Variants in CFI observed in about 807,000 individuals in gnomAD.
CFI encodes complement factor I, also known as C3B/C4B inactivator.
CFI carries 66 observed loss-of-function variants against 78.8 expected under a neutral mutation model. That is an observed-to-expected ratio of 0.84 (90% CI 0.69 to 1.03). The LOEUF (loss-of-function observed/expected upper bound fraction) is 1.03. CFI is among the 50% of genes least tolerant of loss of function. The pLI, the probability that CFI is intolerant of heterozygous loss-of-function variation, is 0.00. For missense variants in CFI, 706 were observed against 704.5 expected (o/e 1.00, Z -0.02); for synonymous variants, 250 against 232.6 (o/e 1.07, Z -0.68).
In CFI at chr4:109,778,675, CA is replaced by C. The variant is rs1002787001; in HGVS notation, c.58-11852del. On this transcript the variant is annotated intron_variant, in intron 1 of 12. Transcript: ENST00000394634. ...ATACCAAAGCCTGGCAGAGACACAA[CA>C]AAAAAAAAGAATCTTAGACCAATAT... Among the ~76,000 whole-genome samples the C allele has an allele frequency of 5.3e-5, 8 of 151,234 alleles. No individual in the cohort carries two copies. The South Asian group carries it at 1.3e-3, about 24-fold the overall frequency.
intron 1 of CFI, among the ~76,000 whole-genome samples, chr4:109,798,730 C>T (rs143462627): frequency 7.3e-5 from 11 of 151,630 alleles, no homozygotes; most frequent in African/African-American, 2.7e-4. Flanking sequence ...GTTTTGGTTG[C>T]TTGGGGTTTG....
At chr4:109,765,843 G>A (rs1183251707) in intron 2 of CFI, among the ~76,000 whole-genome samples, 1 of 152,176 alleles carries the variant, frequency 6.6e-6, no homozygotes, top group Non-Finnish European at 1.5e-5. Flanking sequence ...GGTAGGCCAC[G>A]CATGGTGGCT....
downstream of CFI, among the ~76,000 whole-genome samples, chr4:109,737,323 C>G (rs1723426999): frequency 6.6e-6 from 1 of 152,130 alleles, no homozygotes; most frequent in Non-Finnish European, 1.5e-5. Context: ...GTGGTTAGCT[C>G]CTCACACTGC....
At chr4:109,769,331 T>C (rs1042165507) in intron 1 of CFI, among the ~76,000 whole-genome samples, 6 of 152,142 alleles carry the variant, frequency 3.9e-5, no homozygotes, top group African/African-American at 1.4e-4. Context: ...GCAATGACAA[T>C]GTCTAGTGCT....
At chr4:109,799,455 C>T (rs1363544701) in intron 1 of CFI, among the ~76,000 whole-genome samples, 11 of 152,270 alleles carry the variant, frequency 7.2e-5, no homozygotes, top group South Asian at 4.1e-4. Context: ...GAGTGAGAAA[C>T]GTACATGGTC....
chr4:109,740,213 C>G (rs1723631357), downstream of CFI, among the ~76,000 whole-genome samples: 1 of 151,964 alleles, frequency 6.6e-6, no homozygotes. Context: ...ATTGCTTGAG[C>G]CCAGGAGTTC....
chr4:109,741,435 T>C, intron 12 of CFI: 2 of 753,606 alleles, frequency 2.7e-6, no homozygotes, highest in Non-Finnish European at 3.2e-6. Flanking sequence ...GCCTAGTGCT[T>C]ACTGAGTGCT....
chr4:109,749,464 G>C (rs370215965), intron 9 of CFI, 35 bp downstream of exon 9: 2 of 1,555,076 alleles, frequency 1.3e-6, no homozygotes, highest in African/African-American at 2.7e-5. Flanking sequence ...GGCTGTTTCT[G>C]GGCAGTTGCA....
chr4:109,746,557 A>C (rs2126186988), intron 10 of CFI, 55 bp from the exon 11 acceptor site: 2 of 1,350,770 alleles, frequency 1.5e-6, no homozygotes, highest in African/African-American at 3.0e-5. Flanking sequence ...ATAAATAGGA[A>C]TTCTGACACT....
intron 1 of CFI, among the ~76,000 whole-genome samples, chr4:109,772,349 C>T (rs140239674): frequency 4.2e-4 from 64 of 152,350 alleles, no homozygotes; most frequent in African/African-American, 1.5e-3. Flanking sequence ...CATGTGTACA[C>T]CAGGCTTTGC....
chr4:109,793,499 G>A (rs1731637990), intron 1 of CFI: 1 of 152,104 alleles, frequency 6.6e-6, no homozygotes, highest in Admixed American at 6.5e-5. Context: ...AGTATGCAGG[G>A]TTCTCTGACT....
chr4:109,757,886 AT>A, intron 6 of CFI, 103 bp from the exon 7 acceptor site: 1 of 1,342,778 alleles, frequency 7.4e-7, no homozygotes, highest in Non-Finnish European at 1.0e-6. Context: ...ATTGCACCTT[AT>A]TTCTGTTTTC....
chr4:109,768,348 A>G (rs1323089403), intron 1 of CFI, among the ~76,000 whole-genome samples: 15 of 151,038 alleles, frequency 9.9e-5, no homozygotes, highest in African/African-American at 2.9e-4. Context: ...AAAAAAAAAA[A>G]AAAAAGAAAA....
intron 12 of CFI, chr4:109,741,423 C>G: frequency 1.2e-6 from 1 of 860,834 alleles, no homozygotes; most frequent in Non-Finnish European, 1.4e-6. Flanking sequence ...AATGATGGGA[C>G]TGCCTAGTGC....
chr4:109,780,916 A>T (rs1167734986), intron 1 of CFI, among the ~76,000 whole-genome samples: 1 of 152,206 alleles, frequency 6.6e-6, no homozygotes, highest in African/African-American at 2.4e-5. Flanking sequence ...CAAACACCGC[A>T]TGTTCTCACT....
downstream of CFI, among the ~76,000 whole-genome samples, chr4:109,739,535 C>G (rs13131911): frequency 0.97 from 148,367 of 152,216 alleles, 72,423 homozygotes; most frequent in East Asian, 1. Flanking sequence ...GCCTTGGGGT[C>G]GGGTGGGGGT....
chr4:109,758,908 T>A (rs1471448878), intron 6 of CFI, among the ~76,000 whole-genome samples: 2 of 152,138 alleles, frequency 1.3e-5, no homozygotes, highest in Non-Finnish European at 2.9e-5. Flanking sequence ...GCCTGGCCAA[T>A]GTGGCGAAAC....
intron 11 of CFI, among the ~76,000 whole-genome samples, chr4:109,744,520 A>C (rs1320708605): frequency 6.6e-6 from 1 of 152,082 alleles, no homozygotes; most frequent in Admixed American, 6.6e-5. Context: ...GGCTAGTGAG[A>C]TTGGGACTGG....
At chr4:109,757,049 A>G (rs772468051) in intron 7 of CFI, among the ~76,000 whole-genome samples, 8 of 151,916 alleles carry the variant, frequency 5.3e-5, no homozygotes, top group Admixed American at 2.0e-4. Flanking sequence ...ATTTACATTT[A>G]CATGACTCCA....
Sources: allele counts gnomAD v4.1 joint callset (sites outside exome capture counted in the v4.1 genomes callset), GRCh38; gene constraint gnomAD v4.1.1; transcripts MANE v1.5; gene names NCBI Gene and HGNC (gene_info 2026-07-23, HGNC 2026-07-21).